GRIN2A: variants seen among roughly 807,000 people sequenced by gnomAD.
The protein encoded by GRIN2A is glutamate receptor ionotropic, NMDA 2A.
In GRIN2A, 22 loss-of-function variants were observed where a neutral mutation model predicts 113.4. That is an observed-to-expected ratio of 0.19 (90% CI 0.14 to 0.28). The LOEUF is 0.28. Ranked by LOEUF, GRIN2A falls within the 10% of genes least tolerant of loss-of-function variation. GRIN2A has a pLI of 1.00. For synonymous variants in GRIN2A, 827 were observed against 738.4 expected (o/e 1.12, Z -1.94); for missense variants, 1,502 against 1,887.0 (o/e 0.80, Z 3.78).
intron 2 of GRIN2A, among the ~76,000 whole-genome samples, chr16:10,175,429 T>C (rs1463613052): frequency 1.3e-5 from 2 of 152,174 alleles, no homozygotes; most frequent in African/African-American, 4.8e-5. Flanking sequence ...TATAAAATCC[T>C]GAGCATGCAA....
At chr16:9,798,546 G>A in intron 10 of GRIN2A, 82 bp from the exon 11 acceptor site, 2 of 988,184 alleles carry the variant, frequency 2.0e-6, no homozygotes, top group Non-Finnish European at 3.2e-6. Flanking sequence ...GATCCTGAAA[G>A]CATCCCACAC....
intron 2 of GRIN2A, among the ~76,000 whole-genome samples, chr16:10,094,048 G>A (rs1207958028): frequency 6.6e-6 from 1 of 152,186 alleles, no homozygotes; most frequent in African/African-American, 2.4e-5. Flanking sequence ...TAAACAGGAA[G>A]CATCAGAACC....
intron 2 of GRIN2A, among the ~76,000 whole-genome samples, chr16:10,018,069 C>T (rs1002058740): frequency 2.0e-5 from 3 of 152,144 alleles, no homozygotes; most frequent in African/African-American, 4.8e-5. Context: ...GGCCCTGATA[C>T]GTGGCTTTCC....
chr16:9,924,243 A>G (rs948181579), intron 3 of GRIN2A, among the ~76,000 whole-genome samples: 13 of 152,152 alleles, frequency 8.5e-5, no homozygotes, highest in African/African-American at 2.9e-4. Context: ...TCCCTGAAGA[A>G]CTTCATTTAA....
intron 2 of GRIN2A, among the ~76,000 whole-genome samples, chr16:10,109,343 AG>A (rs1438176735): frequency 3.8e-5 from 4 of 106,266 alleles, no homozygotes; most frequent in African/African-American, 7.9e-5. Flanking sequence ...AAAACATTTA[AG>A]GAAAAAAAAA....
chr16:10,045,190 T>C lies in GRIN2A; in HGVS notation c.415-106639A>G, dbSNP rs111519255. ...TTCCATCACCAGGGTGCAGACATGATTCAAGGATTTCTGGTAAGATCTGGC... is the reference window on the plus strand; with the variant it reads ...TTCCATCACCAGGGTGCAGACATGACTCAAGGATTTCTGGTAAGATCTGGC... On this transcript the variant is annotated intron_variant, in intron 2 of 12. Transcript: ENST00000330684. Among the ~76,000 whole-genome samples the C allele has an allele frequency of 2.0e-3, 302 of 152,314 alleles. 2 individuals are homozygous for C. The highest frequency in any genetic ancestry group is 7.0e-3 in the African/African-American group (293 of 41,562).
chr16:10,153,138 A>G (rs1532933), intron 2 of GRIN2A, among the ~76,000 whole-genome samples: 52,599 of 152,076 alleles, frequency 0.35, 9,441 homozygotes, highest in South Asian at 0.46. Context: ...AACAATTAAT[A>G]TTGTTACAAG....
intron 2 of GRIN2A, among the ~76,000 whole-genome samples, chr16:9,977,362 A>G (rs1429353260): frequency 6.6e-6 from 1 of 152,124 alleles, no homozygotes; most frequent in East Asian, 1.9e-4. Context: ...TTGCTAATTG[A>G]GTGATTTTAG....
chr16:9,860,222 G>A (rs1471195030), intron 4 of GRIN2A, among the ~76,000 whole-genome samples: 1 of 151,954 alleles, frequency 6.6e-6, no homozygotes, highest in African/African-American at 2.4e-5. Flanking sequence ...TCGGGAAGCT[G>A]AGGTGGGCAG....
In GRIN2A at chr16:9,761,475, TC is replaced by T. The variant is rs1225387273; in HGVS notation, c.*1673del. On this transcript the variant is annotated 3_prime_UTR_variant, in exon 13 of 13. Transcript: ENST00000330684. ...TTCTGCAAACACTGATGGCTAGTTA[TC>T]CCAAATACTTCAAAAATATTCATGT... 1 of 230,700 alleles carries T rather than the reference TC, an allele frequency of 4.3e-6. No homozygotes were observed. The highest frequency in any genetic ancestry group is 2.2e-5 in the African/African-American group (1 of 45,198). 14.3% of individuals were successfully genotyped at this position (230,700 alleles called of 1,614,324 possible). A position where few individuals can be genotyped will look rare whatever the true frequency, so the allele number is the denominator to read the frequency against.
At chr16:10,011,780 T>C (rs1254755368) in intron 2 of GRIN2A, among the ~76,000 whole-genome samples, 1 of 152,160 alleles carries the variant, frequency 6.6e-6, no homozygotes, top group Non-Finnish European at 1.5e-5. Context: ...GGGATGACGT[T>C]CACCAAGCAT....
At chr16:9,930,910 CTTCT>C (rs2044576760) in intron 3 of GRIN2A, among the ~76,000 whole-genome samples, 1 of 152,154 alleles carries the variant, frequency 6.6e-6, no homozygotes, top group South Asian at 2.1e-4. Flanking sequence ...ATATATCTTC[CTTCT>C]ATTTCCCTTT....
At chr16:10,155,858 C>A (rs1439662085) in intron 2 of GRIN2A, among the ~76,000 whole-genome samples, 1 of 152,136 alleles carries the variant, frequency 6.6e-6, no homozygotes, top group South Asian at 2.1e-4. Context: ...AGACCTGCCC[C>A]CATGATTCAA....
chr16:9,778,642 G>A (rs997051041), intron 11 of GRIN2A, among the ~76,000 whole-genome samples: 2 of 152,196 alleles, frequency 1.3e-5, no homozygotes, highest in Non-Finnish European at 2.9e-5. Context: ...AATGACCAAC[G>A]AGGGGAAGTA....
chr16:10,164,267 C>A (rs1476467844), intron 2 of GRIN2A, among the ~76,000 whole-genome samples: 2 of 152,240 alleles, frequency 1.3e-5, no homozygotes, highest in Non-Finnish European at 2.9e-5. Flanking sequence ...TGTACAGAAC[C>A]TTCCTTGGTG....
chr16:10,126,646 T>C (rs769701095), intron 2 of GRIN2A, among the ~76,000 whole-genome samples: 1 of 152,218 alleles, frequency 6.6e-6, no homozygotes, highest in Non-Finnish European at 1.5e-5. Context: ...TTAAAGATAG[T>C]AACCCTTTGG....
chr16:9,768,057 G>T (rs1394110403), intron 12 of GRIN2A, among the ~76,000 whole-genome samples: 4 of 152,016 alleles, frequency 2.6e-5, no homozygotes, highest in East Asian at 1.9e-4. Context: ...TTTATTTTTT[G>T]TTTTTATTTT....
chr16:10,140,121 G>T (rs1308026198), intron 2 of GRIN2A, among the ~76,000 whole-genome samples: 3 of 152,194 alleles, frequency 2.0e-5, no homozygotes, highest in Non-Finnish European at 4.4e-5. Flanking sequence ...TTTGCTTTGG[G>T]CTGGAATATA....
chr16:9,777,338 G>A (rs1901665989), intron 11 of GRIN2A, among the ~76,000 whole-genome samples: 1 of 152,172 alleles, frequency 6.6e-6, no homozygotes, highest in African/African-American at 2.4e-5. Context: ...ATATTCTGGA[G>A]CCTGTGACCT....
Sources: allele counts gnomAD v4.1 joint callset (sites outside exome capture counted in the v4.1 genomes callset), GRCh38; gene constraint gnomAD v4.1.1; transcripts MANE v1.5; gene names NCBI Gene and HGNC (gene_info 2026-07-23, HGNC 2026-07-21).